BRD10: variants seen among roughly 807,000 people sequenced by gnomAD.
BRD10 encodes bromodomain containing 10, also known as uncharacterized bromodomain-containing protein 10.
the BRD10 span, among the ~76,000 whole-genome samples, chr9:5,911,396 T>C: frequency 1.4e-5 from 2 of 146,524 alleles, no homozygotes; most frequent in African/African-American, 5.1e-5. Context: ...GTTTCATTGG[T>C]CTATGTGTGT....
chr9:5,945,377 T>C, the BRD10 span, among the ~76,000 whole-genome samples: 2 of 152,122 alleles, frequency 1.3e-5, no homozygotes, highest in East Asian at 1.9e-4. Context: ...AGAACTGTTA[T>C]ACCTTTGCCT....
the BRD10 span, chr9:5,968,652 T>C: frequency 6.2e-7 from 1 of 1,613,952 alleles, no homozygotes; most frequent in South Asian, 1.1e-5. Context: ...CTATCTCTGC[T>C]ACATCTATGT....
the BRD10 span, among the ~76,000 whole-genome samples, chr9:5,893,131 TGA>T: frequency 6.6e-6 from 1 of 152,220 alleles, no homozygotes; most frequent in African/African-American, 2.4e-5. Context: ...TATACTGGCG[TGA>T]GACACTGTTT....
chr9:5,905,380 C>G, the BRD10 span, among the ~76,000 whole-genome samples: 31 of 152,298 alleles, frequency 2.0e-4, no homozygotes, highest in Admixed American at 8.5e-4. Flanking sequence ...TTAGGTACAA[C>G]TGACCAGCAT....
the BRD10 span, among the ~76,000 whole-genome samples, chr9:5,990,618 C>G: frequency 6.6e-6 from 1 of 152,090 alleles, no homozygotes; most frequent in Non-Finnish European, 1.5e-5. Flanking sequence ...TATTACTCAT[C>G]AGAAATTAAA....
the BRD10 span, chr9:6,007,301 A>G: frequency 2.5e-6 from 4 of 1,613,668 alleles, no homozygotes; most frequent in Middle Eastern, 1.6e-4. Context: ...TCCAGCATCA[A>G]CCTGAAGTCC....
chr9:5,938,146 G>C, the BRD10 span, among the ~76,000 whole-genome samples: 2 of 152,138 alleles, frequency 1.3e-5, no homozygotes, highest in African/African-American at 4.8e-5. Context: ...TTTTATAAAA[G>C]GACAGGGGCT....
chr9:5,908,346 T>C, the BRD10 span, among the ~76,000 whole-genome samples: 90 of 152,358 alleles, frequency 5.9e-4, 1 homozygote, highest in Non-Finnish European at 1.1e-3. Flanking sequence ...TAGCATTCAA[T>C]GATTCGTTAG....
chr9:5,981,306 C>T, the BRD10 span, among the ~76,000 whole-genome samples: 3 of 152,236 alleles, frequency 2.0e-5, no homozygotes, highest in African/African-American at 7.2e-5. Flanking sequence ...AACAGTCTCT[C>T]CTCTATAACC....
the BRD10 span, among the ~76,000 whole-genome samples, chr9:5,886,550 A>G: frequency 6.6e-6 from 1 of 152,318 alleles, no homozygotes; most frequent in South Asian, 2.1e-4. Flanking sequence ...GATTTGCCCA[A>G]GGTCACACAC....
At chr9:5,940,726 T>C in the BRD10 span, among the ~76,000 whole-genome samples, 1 of 152,142 alleles carries the variant, frequency 6.6e-6, no homozygotes, top group Non-Finnish European at 1.5e-5. Context: ...AAAAGTTAAA[T>C]TCCAAATATC....
chr9:5,922,883 G>A, the BRD10 span: 2 of 1,613,928 alleles, frequency 1.2e-6, no homozygotes, highest in African/African-American at 1.3e-5. Context: ...AGATAAAACT[G>A]GTTTTTCCAC....
chr9:5,879,690 C>T, the BRD10 span, among the ~76,000 whole-genome samples: 1 of 152,134 alleles, frequency 6.6e-6, no homozygotes, highest in Non-Finnish European at 1.5e-5. Flanking sequence ...ATTAAATGAG[C>T]TCAGGGATGA....
the BRD10 span, among the ~76,000 whole-genome samples, chr9:5,894,425 C>A: frequency 6.6e-6 from 1 of 152,152 alleles, no homozygotes; most frequent in African/African-American, 2.4e-5. This position sits in a 1 kb window ranked among gnomAD's most constrained non-coding sequence, Gnocchi z 4.0. Context: ...TGCTTCTACC[C>A]CCGTGTCTGG....
chr9:5,882,600 T>C, the BRD10 span, among the ~76,000 whole-genome samples: 1 of 152,200 alleles, frequency 6.6e-6, no homozygotes, highest in South Asian at 2.1e-4. Flanking sequence ...GCCTGTCCAG[T>C]CTCACACTGA....
chr9:5,920,111 C>T, the BRD10 span: 87 of 1,613,776 alleles, frequency 5.4e-5, no homozygotes, highest in Non-Finnish European at 7.2e-5. Context: ...TTTTGTAGGG[C>T]TTCTTAGAGG....
chr9:5,891,233 T>A, the BRD10 span: 2 of 152,254 alleles, frequency 1.3e-5, no homozygotes, highest in Admixed American at 1.3e-4. Flanking sequence ...AAAGAACCAC[T>A]TCTCCTGGTC....
the BRD10 span, among the ~76,000 whole-genome samples, chr9:5,951,058 AC>A: frequency 6.6e-6 from 1 of 150,842 alleles, no homozygotes; most frequent in Admixed American, 6.6e-5. Flanking sequence ...ACACACACAC[AC>A]ACACACACAC....
the BRD10 span, among the ~76,000 whole-genome samples, chr9:5,940,096 T>C: frequency 2.0e-5 from 3 of 150,950 alleles, no homozygotes; most frequent in Admixed American, 1.3e-4. Context: ...ATAATAAAGA[T>C]TAATTTTATC....
Sources: allele counts gnomAD v4.1 joint callset (sites outside exome capture counted in the v4.1 genomes callset), GRCh38; gene constraint gnomAD v4.1.1; non-coding constraint Gnocchi (gnomAD v3.1); transcripts MANE v1.5; gene names NCBI Gene and HGNC (gene_info 2026-07-23, HGNC 2026-07-21).